SIGLEC7: variants seen among roughly 807,000 people sequenced by gnomAD.
The protein encoded by SIGLEC7 is sialic acid-binding Ig-like lectin 7.
SIGLEC7 carries 33 observed loss-of-function variants against 40.8 expected under a neutral mutation model. The ratio of observed to expected loss-of-function variants is 0.81; its 90% CI spans 0.61 to 1.08. SIGLEC7 has a LOEUF of 1.08. Among genes scored for constraint, SIGLEC7 ranks in the 50% least tolerant of loss-of-function variants. The pLI, the probability that SIGLEC7 is intolerant of heterozygous loss-of-function variation, is 0.00. For synonymous variants in SIGLEC7, 242 were observed against 237.6 expected, an observed-to-expected ratio of 1.02 and a Z score of -0.17; for missense variants, 513 against 576.1, an observed-to-expected ratio of 0.89 and a Z score of 1.12.
chr19:51,143,251 C>A (rs1459839986), intron 1 of SIGLEC7, among the ~76,000 whole-genome samples: 1 of 152,164 alleles, frequency 6.6e-6, no homozygotes, highest in Non-Finnish European at 1.5e-5. Context: ...CTACACAACC[C>A]CGTGACTCTC....
chr19:51,145,596 G>T lies in SIGLEC7; in HGVS notation c.761-259G>T, dbSNP rs902454346. Reference sequence around the variant, plus strand: ...ATAATGTTGTATCTACTCCCACAAGGAATATCTAAGTGTATAGGATAAATT... The same window carrying T: ...ATAATGTTGTATCTACTCCCACAAGTAATATCTAAGTGTATAGGATAAATT... On this transcript the variant is annotated intron_variant, in intron 3 of 6. Transcript: ENST00000317643. This position sits in a 1 kb window ranked among gnomAD's most constrained non-coding sequence, Gnocchi z 4.3. Among the ~76,000 whole-genome samples the T allele has an allele frequency of 5.3e-5, 8 of 152,190 alleles. No homozygotes were observed. Among genetic ancestry groups the T allele is most frequent in the African/African-American group, 1.9e-4 (8 of 41,442 alleles).
rs2092158087 is a variant in SIGLEC7 at position 51,153,420 on chromosome 19, C to A, written c.*175C>A. The A allele has an allele frequency of 6.4e-6, 3 of 466,426 alleles. No individual in the cohort carries two copies. The highest frequency in any genetic ancestry group is 4.0e-5 in the African/African-American group (2 of 50,368). 28.9% of individuals were successfully genotyped at this position (466,426 alleles called of 1,614,324 possible). On this transcript the variant is annotated 3_prime_UTR_variant, in exon 7 of 7. Coordinates refer to ENST00000317643, the MANE Select transcript of SIGLEC7 (RefSeq NM_014385.4). ...ATGACCAAACTCTCCCTTTCCCCATCCAATCGGTCCACACTCCCCGCCCTG... is the reference window on the plus strand; with the variant it reads ...ATGACCAAACTCTCCCTTTCCCCATACAATCGGTCCACACTCCCCGCCCTG...
chr19:51,144,822 C>T (rs2092096698), intron 2 of SIGLEC7, 90 bp from the exon 3 acceptor site: 35 of 1,582,382 alleles, frequency 2.2e-5, no homozygotes, highest in Non-Finnish European at 2.6e-5. Flanking sequence ...ACGCTGGCTC[C>T]GCCTTCCCCA....
At chr19:51,147,122 C>G in intron 5 of SIGLEC7, 99 bp from the exon 6 acceptor site, 1 of 1,559,064 alleles carries the variant, frequency 6.4e-7, no homozygotes, top group Non-Finnish European at 8.7e-7. Flanking sequence ...ACCTCAGTTA[C>G]CCCTCCAGCG....
rs570011179 is a variant in SIGLEC7 at position 51,142,334 on chromosome 19, C to G, written c.-36C>G. 186 of 1,597,366 alleles carry G rather than the reference C, an allele frequency of 1.2e-4. 3 individuals carry two copies. In the South Asian group the frequency reaches 2.1e-3, roughly 18 times the overall value. On this transcript the variant is annotated 5_prime_UTR_variant, in exon 1 of 7. Transcript: ENST00000317643. This position sits in a 1 kb window ranked among gnomAD's most constrained non-coding sequence, Gnocchi z 5.0. ...TGAGAGAAGAACCCTGAGGAACAGA[C>G]GTTCCCTCGCGGCCCTGGCACCTCC...
chr19:51,147,781 C>A (rs192152019), intron 6 of SIGLEC7, among the ~76,000 whole-genome samples: 1 of 152,148 alleles, frequency 6.6e-6, no homozygotes, highest in Non-Finnish European at 1.5e-5. Context: ...CTGTTCCCAC[C>A]CCCAACACTG....
chr19:51,144,746 G>A, intron 2 of SIGLEC7, 62 bp downstream of exon 2: 1 of 1,592,050 alleles, frequency 6.3e-7, no homozygotes, highest in Non-Finnish European at 8.6e-7. Context: ...GAGGGCAGAG[G>A]ATGGGGTCAG....
rs1478213617 is a variant in SIGLEC7 at position 51,142,600 on chromosome 19, A to G, written c.231A>G (p.Pro77=). Residue 77 remains proline, a synonymous_variant, in exon 1 of 7, where the codon CCA becomes CCG. Coordinates refer to ENST00000317643, the MANE Select transcript of SIGLEC7 (RefSeq NM_014385.4). The surrounding 1 kb of genome is among the most constrained non-coding windows in gnomAD (Gnocchi z 5.0). ...GGAATGATATAAGCTGGAAGGCTCC[A>G]GTGGCCACAAACAACCCAGCTTGGG... is the stretch of plus-strand genomic sequence containing the variant. ...RAGNDISWKA[P]VATNNPAWAV... 1.9e-6 allele frequency: 3 copies of G among 1,614,190 alleles called. No individual in the cohort carries two copies. In the Admixed American group the frequency reaches 5.0e-5, roughly 27 times the overall value.
rs1310563719 is a variant in SIGLEC7 at position 51,145,898 on chromosome 19, G to A, written c.804G>A (p.Glu268=). Residue 268 remains glutamate (E), a synonymous_variant, in exon 4 of 7, where the codon GAG becomes GAA. Transcript: ENST00000317643. The surrounding 1 kb of genome is among the most constrained non-coding windows in gnomAD (Gnocchi z 4.3). The part of the protein sequence containing the change: ...LGNSSSLSVL[E]GQSLRLVCAV... The stretch of plus-strand genomic sequence containing the variant: ...ACAGCTCATCTCTTTCAGTCCTAGA[G>A]GGCCAGTCTCTGCGCTTGGTCTGTG... 1.9e-6 allele frequency: 3 copies of A among 1,614,186 alleles called. No homozygotes were observed. Among genetic ancestry groups the A allele is most frequent in the Admixed American group, 1.7e-5 (1 of 60,022 alleles).
chr19:51,144,478 C>G lies in SIGLEC7; in HGVS notation c.506C>G (p.Ser169Cys). 6 of 1,613,822 alleles carry G rather than the reference C, an allele frequency of 3.7e-6. No homozygotes were observed. The highest frequency in any genetic ancestry group is 4.2e-6 in the Non-Finnish European group (5 of 1,180,008). ...ESGCFQNLTC[S>C]VPWACEQGTP... is the part of the protein sequence containing the mutation. The stretch of plus-strand genomic sequence containing the variant: ...GGCTGCTTCCAGAATCTGACCTGCT[C>G]TGTGCCCTGGGCCTGTGAGCAGGGG... Residue 169 changes from serine (S) to cysteine (C), a missense_variant, in exon 2 of 7, where the codon TCT becomes TGT. Transcript: ENST00000317643.
chr19:51,144,886 C>T (rs1177386117), intron 2 of SIGLEC7, 26 bp from the exon 3 acceptor site: 1 of 1,612,918 alleles, frequency 6.2e-7, no homozygotes, highest in Non-Finnish European at 8.5e-7. Context: ...CACAGTGATG[C>T]AGGTCTCCAT....
intron 1 of SIGLEC7, chr19:51,143,988 T>C (rs905024956): frequency 8.1e-6 from 4 of 496,802 alleles, no homozygotes; most frequent in African/African-American, 7.9e-5. Flanking sequence ...GGGATCAATA[T>C]ACAATGGAAT....
rs373800830 is a variant in SIGLEC7, at chr19:51,147,333, G to A, written c.1221+16G>A. The A allele has an allele frequency of 2.4e-5, 39 of 1,597,826 alleles. No homozygotes were observed. Among genetic ancestry groups the A allele is most frequent in the African/African-American group, 2.2e-4 (16 of 74,284 alleles). ...AGCCTCTCAGGTGAGTGATATGGGC[G>A]TCTCCACACCCAGCATCCAGCTGGG... On this transcript the variant is annotated intron_variant, in intron 6 of 6. Transcript: ENST00000317643.
Position 51,152,167 on chromosome 19 carries a change from A to G in SIGLEC7, c.1222-896A>G, listed in dbSNP as rs557289983. Among the ~76,000 whole-genome samples, 4 of 152,252 alleles carry G rather than the reference A, an allele frequency of 2.6e-5. No individual in the cohort carries two copies. The South Asian group carries it at 8.3e-4, about 32-fold the overall frequency. On this transcript the variant is annotated intron_variant, in intron 6 of 6. Coordinates refer to ENST00000317643, the MANE Select transcript of SIGLEC7 (RefSeq NM_014385.4). ...CAATTTCTCACCCTTTCTGGCTTCT[A>G]GAGGCACCTGCATTCCTTGGCTCAA...
chr19:51,150,199 A>G (rs2092134971), intron 6 of SIGLEC7, among the ~76,000 whole-genome samples: 1 of 152,192 alleles, frequency 6.6e-6, no homozygotes, highest in Non-Finnish European at 1.5e-5. Flanking sequence ...AGGAGTGGTG[A>G]GAGAGGGCAT....
chr19:51,145,742 T>C lies in SIGLEC7; in HGVS notation c.761-113T>C, dbSNP rs1014468449. 12 of 1,221,896 alleles carry C rather than the reference T, an allele frequency of 9.8e-6. No individual in the cohort carries two copies. In the African/African-American group the frequency reaches 1.5e-4, roughly 15 times the overall value. 75.7% of individuals were successfully genotyped at this position (1,221,896 alleles called of 1,614,324 possible). ...CAACAGTGAGCGGTGAACATAAGTA[T>C]GTCCCTGCACCAGCCTACATCACTC... On this transcript the variant is annotated intron_variant, in intron 3 of 6. Coordinates refer to ENST00000317643, the MANE Select transcript of SIGLEC7 (RefSeq NM_014385.4). The surrounding 1 kb of genome is among the most constrained non-coding windows in gnomAD (Gnocchi z 4.3).
chr19:51,142,596 C>T lies in SIGLEC7; in HGVS notation c.227C>T (p.Ala76Val), dbSNP rs1599829117. Residue 76 changes from alanine to valine, a missense_variant, in exon 1 of 7, where the codon GCT becomes GTT. Ala to Val is a moderately conservative substitution (Grantham distance 64). Transcript: ENST00000317643. The surrounding 1 kb of genome is among the most constrained non-coding windows in gnomAD (Gnocchi z 5.0). The part of the protein sequence containing the change: ...FRAGNDISWK[A>V]PVATNNPAWA... ...GCAGGGAATGATATAAGCTGGAAGG[C>T]TCCAGTGGCCACAAACAACCCAGCT... 6.2e-7 allele frequency: 1 copy of T among 1,614,166 alleles called. No homozygotes were observed. Among genetic ancestry groups the T allele is most frequent in the Non-Finnish European group, 8.5e-7 (1 of 1,180,044 alleles).
In SIGLEC7 at chr19:51,146,867, G is replaced by A. The variant is rs749649702; in HGVS notation, c.1124+17G>A. The A allele has an allele frequency of 1.2e-6, 2 of 1,606,966 alleles. No homozygotes were observed. The highest frequency in any genetic ancestry group is 1.7e-5 in the Admixed American group (1 of 59,740). ...CTTCATTGTGTGAGCACTGACCCTA[G>A]GGAGGGAGGGAGAGTCCTGGGGGAG... On this transcript the variant is annotated intron_variant, in intron 5 of 6. Transcript: ENST00000317643.
Position 51,146,018 on chromosome 19 carries a change from G to A in SIGLEC7, c.924G>A (p.Leu308=), listed in dbSNP as rs143837781. 1 of 1,614,214 alleles carries A rather than the reference G, an allele frequency of 6.2e-7. No individual in the cohort carries two copies. The highest frequency in any genetic ancestry group is 1.3e-5 in the African/African-American group (1 of 75,046). The change falls in exon 4 of 7, where the codon CTG becomes CTA. Residue 308 remains leucine, a synonymous_variant. Coordinates refer to ENST00000317643, the MANE Select transcript of SIGLEC7 (RefSeq NM_014385.4). ...SQPSNPLVLE[L]QVHLGDEGEF... is the part of the protein sequence containing the mutation. ...CCTCAAACCCTCTGGTACTGGAGCT[G>A]CAAGTGCACCTGGGGGATGAAGGGG...
Sources: allele counts gnomAD v4.1 joint callset (sites outside exome capture counted in the v4.1 genomes callset), GRCh38; gene constraint gnomAD v4.1.1; non-coding constraint Gnocchi (gnomAD v3.1); transcripts MANE v1.5; gene names NCBI Gene and HGNC (gene_info 2026-07-23, HGNC 2026-07-21).